WDR93: variants seen among roughly 807,000 people sequenced by gnomAD.
The protein encoded by WDR93 is WD repeat-containing protein 93.
In WDR93, 73 loss-of-function variants were observed where a neutral mutation model predicts 82.9. The observed-to-expected ratio is 0.88, with a 90% CI of 0.73 to 1.07. The LOEUF (loss-of-function observed/expected upper bound fraction) is 1.07. WDR93 is among the 50% of genes least tolerant of loss of function. WDR93 has a pLI of 0.00. For synonymous variants in WDR93, 283 were observed against 300.1 expected (o/e 0.94, Z 0.59); for missense variants, 738 against 826.0 (o/e 0.89, Z 1.31).
chr15:89,742,612 C>A (rs895739944), intron 16 of WDR93, among the ~76,000 whole-genome samples: 1 of 152,166 alleles, frequency 6.6e-6, no homozygotes, highest in Non-Finnish European at 1.5e-5. Context: ...TGGCTCACTG[C>A]AACCTCCATC....
intron 4 of WDR93, among the ~76,000 whole-genome samples, chr15:89,710,058 G>A (rs1023283243): frequency 6.6e-6 from 1 of 152,212 alleles, no homozygotes; most frequent in African/African-American, 2.4e-5. Flanking sequence ...TACTTGGGAG[G>A]CTGAGGCAGG....
chr15:89,711,889 G>A (rs777442250), intron 4 of WDR93, 137 bp from the exon 5 acceptor site: 10 of 494,722 alleles, frequency 2.0e-5, no homozygotes, highest in African/African-American at 4.0e-5. Context: ...TGGGAAGTAT[G>A]AAGCAGTTTG....
At chr15:89,694,998 C>T (rs1383798679) in intron 1 of WDR93, among the ~76,000 whole-genome samples, 1 of 152,150 alleles carries the variant, frequency 6.6e-6, no homozygotes, top group African/African-American at 2.4e-5. Context: ...TATATGTTTG[C>T]ATCTAATTTA....
Position 89,743,436 on chromosome 15 carries a change from G to T in WDR93, c.*45G>T. 1 of 1,588,794 alleles carries T rather than the reference G, an allele frequency of 6.3e-7. No individual in the cohort carries two copies. Reference sequence around the variant, plus strand: ...TCTCTGAAAAGGAGGTTTCAGCCACGAGGCAGCTGCTCCCAGGACACTGAG... The same window carrying T: ...TCTCTGAAAAGGAGGTTTCAGCCACTAGGCAGCTGCTCCCAGGACACTGAG... On this transcript the variant is annotated 3_prime_UTR_variant, in exon 17 of 17. Transcript: ENST00000268130.
At chr15:89,737,031 T>TC (rs1338198573) in intron 14 of WDR93, among the ~76,000 whole-genome samples, 1 of 152,146 alleles carries the variant, frequency 6.6e-6, no homozygotes, top group Non-Finnish European at 1.5e-5. Flanking sequence ...GACCTCGTGA[T>TC]CCGCCCACCT....
In WDR93 at chr15:89,701,970, T is replaced by C. The variant is rs1312691182; in HGVS notation, c.224T>C (p.Ile75Thr). The C allele has an allele frequency of 1.9e-6, 3 of 1,613,798 alleles. No individual in the cohort carries two copies. Among genetic ancestry groups the C allele is most frequent in the African/African-American group, 2.7e-5 (2 of 74,898 alleles). ...CTGTTTGACCAGTCTTGGGAAATTA[T>C]TGAAGAGAGAAACGCACTGAGGGAA... The part of the protein sequence containing the change: ...NLLFDQSWEI[I>T]EERNALREAE... The change falls in exon 2 of 17, where the codon ATT becomes ACT. Residue 75 changes from isoleucine to threonine, a missense_variant. Physicochemically the swap from Ile to Thr is moderately conservative, Grantham distance 89. Coordinates refer to ENST00000268130, the MANE Select transcript of WDR93 (RefSeq NM_020212.2).
chr15:89,697,878 A>AT lies in WDR93; in HGVS notation c.-40-3810dup, dbSNP rs377526780. On this transcript the variant is annotated intron_variant, in intron 1 of 16. Transcript: ENST00000268130. The stretch of plus-strand genomic sequence containing the variant: ...CACTTGATCAATTGACACTTTTATA[A>AT]TTTTTTTTTTTTTTTTTTTGAGACG... 3.6e-3 allele frequency among the ~76,000 whole-genome samples: 474 copies of AT among 130,748 alleles called. 1 individual carries two copies. The highest frequency in any genetic ancestry group is 0.015 in the East Asian group (69 of 4,748). The allele number at this position is 130,748 out of a possible 152,430, so 85.8% of individuals were successfully genotyped here.
At position 89,729,003 on chromosome 15, in the gene WDR93, C is replaced by T. The variant is rs201241011; in HGVS notation, c.1053-20C>T. ...CCAGGGAGTCTACATGGCTCTGACT[C>T]GTGTGTCTTTCTTTCCCAGTACGGC... On this transcript the variant is annotated intron_variant, in intron 9 of 16. Coordinates refer to ENST00000268130, the MANE Select transcript of WDR93 (RefSeq NM_020212.2). 342 of 1,610,410 alleles carry T rather than the reference C, an allele frequency of 2.1e-4. 3 individuals are homozygous for T. Among genetic ancestry groups the T allele is most frequent in the South Asian group, 2.1e-3 (193 of 90,968 alleles).
At chr15:89,731,641 G>T in intron 12 of WDR93, 79 bp downstream of exon 12, 1 of 1,583,120 alleles carries the variant, frequency 6.3e-7, no homozygotes, top group Non-Finnish European at 8.6e-7. Context: ...AATTCCCACA[G>T]GCCCTGGGCC....
chr15:89,740,310 T>C (rs750680564), intron 16 of WDR93, among the ~76,000 whole-genome samples: 12 of 152,114 alleles, frequency 7.9e-5, no homozygotes, highest in Non-Finnish European at 1.3e-4. Context: ...CCTTCCTGCA[T>C]TGTAGTGGGT....
intron 7 of WDR93, 93 bp downstream of exon 7, chr15:89,717,042 T>TTTA: frequency 9.0e-5 from 52 of 575,874 alleles, no homozygotes; most frequent in Middle Eastern, 5.3e-4. Flanking sequence ...TTTCTTTTTC[T>TTTA]TTCTTTTTTT....
At chr15:89,713,189 CAT>C (rs1417308840) in intron 5 of WDR93, among the ~76,000 whole-genome samples, 2 of 145,662 alleles carry the variant, frequency 1.4e-5, no homozygotes, top group South Asian at 2.1e-4. Context: ...AATTTTTGGA[CAT>C]GTGTTAAAAC....
At chr15:89,727,447 C>T in intron 9 of WDR93, 119 bp downstream of exon 9, 2 of 1,165,278 alleles carry the variant, frequency 1.7e-6, no homozygotes, top group South Asian at 3.1e-5. Flanking sequence ...CTTTCTGGGG[C>T]CGGGACAGTG....
intron 2 of WDR93, among the ~76,000 whole-genome samples, chr15:89,702,297 A>G (rs1229822558): frequency 1.3e-5 from 2 of 152,104 alleles, no homozygotes; most frequent in African/African-American, 4.8e-5. Context: ...AATCTTCTTA[A>G]TGTATTAATC....
chr15:89,728,807 G>A (rs1966835909), intron 9 of WDR93, among the ~76,000 whole-genome samples: 2 of 152,186 alleles, frequency 1.3e-5, no homozygotes, highest in African/African-American at 2.4e-5. Context: ...TGGCCTAGGA[G>A]TGATTCCCAG....
At chr15:89,716,044 A>T (rs1297714890) in intron 6 of WDR93, among the ~76,000 whole-genome samples, 5 of 152,230 alleles carry the variant, frequency 3.3e-5, no homozygotes, top group Admixed American at 2.0e-4. Flanking sequence ...GTGCTAAATA[A>T]ATTAGTGAAA....
upstream of WDR93, chr15:89,690,741 G>T: frequency 2.9e-6 from 2 of 691,944 alleles, no homozygotes; most frequent in South Asian, 1.8e-5. Context: ...TGAGGGGGAG[G>T]GGCTGAGTCT....
chr15:89,723,040 AC>A (rs1389835410), intron 8 of WDR93, among the ~76,000 whole-genome samples: 1 of 151,858 alleles, frequency 6.6e-6, no homozygotes, highest in Non-Finnish European at 1.5e-5. Flanking sequence ...CCCCACCTCC[AC>A]AAAAAATACA....
In WDR93 at chr15:89,743,484, C is replaced by A; in HGVS notation, c.*93C>A. 1.7e-6 allele frequency: 2 copies of A among 1,179,134 alleles called. No individual in the cohort carries two copies. Among genetic ancestry groups the A allele is most frequent in the South Asian group, 1.3e-5 (1 of 77,674 alleles). 73.0% of individuals were successfully genotyped at this position (1,179,134 alleles called of 1,614,324 possible). A position where few individuals can be genotyped will look rare whatever the true frequency, so the allele number is the denominator to read the frequency against. Reference sequence around the variant, plus strand: ...GAGGCCAAGAGAAATGTAACAGAGCCACAGCTCCACAGGCCTGCACTCGGA... The same window carrying A: ...GAGGCCAAGAGAAATGTAACAGAGCAACAGCTCCACAGGCCTGCACTCGGA... On this transcript the variant is annotated 3_prime_UTR_variant, in exon 17 of 17. Coordinates refer to ENST00000268130, the MANE Select transcript of WDR93 (RefSeq NM_020212.2).
Sources: allele counts gnomAD v4.1 joint callset (sites outside exome capture counted in the v4.1 genomes callset), GRCh38; gene constraint gnomAD v4.1.1; transcripts MANE v1.5; gene names NCBI Gene and HGNC (gene_info 2026-07-23, HGNC 2026-07-21).